RREB1: variants seen among roughly 807,000 people sequenced by gnomAD.
The protein encoded by RREB1 is ras responsive element binding protein 1, also known as ras-responsive element-binding protein 1.
A neutral mutation model predicts 117.8 loss-of-function variants in RREB1; 27 were observed. The observed-to-expected ratio is 0.23, with a 90% CI of 0.17 to 0.32. The LOEUF (loss-of-function observed/expected upper bound fraction) is 0.32, where lower values mean the gene tolerates loss of function less well. Ranked by LOEUF, RREB1 falls within the 10% of genes least tolerant of loss-of-function variation. The pLI is 1.00. For missense variants in RREB1, 2,577 were observed against 2,378.2 expected (o/e 1.08, Z -1.74); for synonymous variants, 1,298 against 1,026.7 (o/e 1.26, Z -5.05).
chr6:7,233,729 G>A (rs1050901408), intron 10 of RREB1, among the ~76,000 whole-genome samples: 2 of 152,150 alleles, frequency 1.3e-5, no homozygotes, highest in African/African-American at 2.4e-5. Context: ...GGGAATTGGT[G>A]TGAGCTGTGC....
chr6:7,219,066 G>A (rs1024092227), intron 8 of RREB1: 6 of 116,552 alleles, frequency 5.1e-5, no homozygotes, highest in Admixed American at 2.4e-4. Context: ...TGGCCAACAC[G>A]GCGAAACTCC....
intron 1 of RREB1, among the ~76,000 whole-genome samples, chr6:7,117,232 C>A (rs1226290831): frequency 1.3e-5 from 2 of 151,908 alleles, no homozygotes; most frequent in East Asian, 3.9e-4. Flanking sequence ...TCTGACACTT[C>A]AGTGTAAAAA....
chr6:7,119,118 GT>G (rs1761549008), intron 1 of RREB1, among the ~76,000 whole-genome samples: 2 of 152,066 alleles, frequency 1.3e-5, no homozygotes, highest in African/African-American at 4.8e-5. Context: ...GGCAGGCGTG[GT>G]GGTTCACGCC....
At chr6:7,187,701 T>A in intron 5 of RREB1, 178 bp downstream of exon 5, 1 of 310,240 alleles carries the variant, frequency 3.2e-6, no homozygotes, top group Admixed American at 4.9e-5. Context: ...ATTTTTGATC[T>A]AAATTATTCT....
chr6:7,227,514 C>G (rs926553953), intron 9 of RREB1, among the ~76,000 whole-genome samples: 1 of 151,170 alleles, frequency 6.6e-6, no homozygotes, highest in Admixed American at 6.6e-5. Context: ...GCACTCCAGC[C>G]TGGGCAACAG....
rs74685553 is a variant in RREB1, at chr6:7,236,842, C to G, written c.3809-3596C>G. 6.1e-3 allele frequency among the ~76,000 whole-genome samples: 814 copies of G among 132,606 alleles called. 6 individuals are homozygous for G. The highest frequency in any genetic ancestry group is 0.022 in the African/African-American group (755 of 34,646). The allele number at this position is 132,606 out of a possible 152,430, so 87.0% of individuals were successfully genotyped here. A position where few individuals can be genotyped will look rare whatever the true frequency, so the allele number is the denominator to read the frequency against. On this transcript the variant is annotated intron_variant, in intron 10 of 12. Transcript: ENST00000379938. ...TGTCCTTCTTCGTTTCTTGACTGTTCTGGGAGAGTAAACACTGGCTAATTT... is the reference window on the plus strand; with the variant it reads ...TGTCCTTCTTCGTTTCTTGACTGTTGTGGGAGAGTAAACACTGGCTAATTT...
rs758121441 is a variant in RREB1 at position 7,229,921 on chromosome 6, C to T, written c.1822C>T (p.Leu608=). 2 of 1,599,588 alleles carry T rather than the reference C, an allele frequency of 1.3e-6. No homozygotes were observed. Among genetic ancestry groups the T allele is most frequent in the South Asian group, 1.1e-5 (1 of 90,526 alleles). Residue 608 remains leucine (L), a synonymous_variant, in exon 10 of 13, where the codon CTG becomes TTG. Coordinates refer to ENST00000379938, the MANE Select transcript of RREB1 (RefSeq NM_001003699.4). The surrounding 1 kb of genome is among the most constrained non-coding windows in gnomAD (Gnocchi z 4.5). ...CAGCATCATCGAGGCCCTGCTGCCG[C>T]TGAGCATGGAGGCCAAGATCAAGCA... The part of the protein sequence containing the change: ...QDSIIEALLP[L]SMEAKIKQEI...
chr6:7,238,437 G>C (rs1484364508), intron 10 of RREB1, among the ~76,000 whole-genome samples: 1 of 152,006 alleles, frequency 6.6e-6, no homozygotes, highest in South Asian at 2.1e-4. Flanking sequence ...GGGTTTCACC[G>C]TATTGGCCAG....
intron 10 of RREB1, among the ~76,000 whole-genome samples, chr6:7,236,145 T>C (rs993096147): frequency 2.0e-5 from 3 of 152,146 alleles, no homozygotes; most frequent in African/African-American, 7.2e-5. Flanking sequence ...CGGGAGCATC[T>C]CGTGTGTTTT....
intron 1 of RREB1, among the ~76,000 whole-genome samples, chr6:7,131,147 C>T (rs1057234874): frequency 2.0e-5 from 3 of 151,256 alleles, no homozygotes; most frequent in Non-Finnish European, 2.9e-5. Context: ...ACTGTGGTCT[C>T]GATCTCCTGA....
rs1409671686 is a variant in RREB1, at chr6:7,247,158, A to G, written c.4708A>G (p.Ser1570Gly). Residue 1570 changes from serine (S) to glycine (G), a missense_variant, in exon 12 of 13, where the codon AGC becomes GGC. By Grantham distance (56) the Ser-to-Gly change is moderately conservative. Transcript: ENST00000379938. ...SKADKRKKVC[S>G]VCNKRFWSLQ... ...GGCAGACAAGAGGAAGAAGGTCTGC[A>G]GCGTGTGCAACAAGCGGTTCTGGTC... is the stretch of plus-strand genomic sequence containing the variant. 1 of 1,613,934 alleles carries G rather than the reference A, an allele frequency of 6.2e-7. No homozygotes were observed. Among genetic ancestry groups the G allele is most frequent in the East Asian group, 2.2e-5 (1 of 44,852 alleles).
At chr6:7,207,300 C>T (rs754001859) in intron 6 of RREB1, among the ~76,000 whole-genome samples, 1 of 152,204 alleles carries the variant, frequency 6.6e-6, no homozygotes, top group Non-Finnish European at 1.5e-5. Flanking sequence ...AGTGCTCAGC[C>T]ACTTTGCAGA....
chr6:7,210,247 A>C (rs1277061734), intron 6 of RREB1, among the ~76,000 whole-genome samples: 1 of 152,234 alleles, frequency 6.6e-6, no homozygotes, highest in Non-Finnish European at 1.5e-5. Flanking sequence ...AAATCCACAT[A>C]ATACTACGAA....
intron 1 of RREB1, among the ~76,000 whole-genome samples, chr6:7,119,447 G>A (rs1376201732): frequency 6.6e-6 from 1 of 152,198 alleles, no homozygotes; most frequent in South Asian, 2.1e-4. Flanking sequence ...TGTGGGGGAG[G>A]AGTGAAAGAT....
intron 6 of RREB1, among the ~76,000 whole-genome samples, chr6:7,205,206 G>T (rs566945617): frequency 6.6e-6 from 1 of 152,198 alleles, no homozygotes; most frequent in African/African-American, 2.4e-5. Context: ...AAGCCAGACT[G>T]CTGGGCCCCG....
At position 7,231,301 on chromosome 6, in the gene RREB1, A is replaced by G. The variant is rs1767951628; in HGVS notation, c.3202A>G (p.Ile1068Val). 2 of 1,603,612 alleles carry G rather than the reference A, an allele frequency of 1.2e-6. No individual in the cohort carries two copies. The highest frequency in any genetic ancestry group is 1.7e-6 in the Non-Finnish European group (2 of 1,174,420). ...VTEELPPLASIAQIISSVSSA... is the reference protein window; with the variant it reads ...VTEELPPLASVAQIISSVSSA... ...AGAAGAGCTGCCCCCGCTGGCCTCC[A>G]TTGCCCAGATCATCTCATCTGTATC... The change falls in exon 10 of 13, where the codon ATT becomes GTT. Residue 1068 changes from isoleucine (I) to valine (V), a missense_variant. By Grantham distance (29) the Ile-to-Val change is conservative (BLOSUM62 3). Coordinates refer to ENST00000379938, the MANE Select transcript of RREB1 (RefSeq NM_001003699.4).
chr6:7,245,970 TA>T (rs1768988348), intron 11 of RREB1, among the ~76,000 whole-genome samples: 1 of 152,162 alleles, frequency 6.6e-6, no homozygotes, highest in Non-Finnish European at 1.5e-5. Flanking sequence ...TTTGGAGGAT[TA>T]GGGGTAGGGG....
At chr6:7,113,641 G>T (rs1761256094) in intron 1 of RREB1, among the ~76,000 whole-genome samples, 1 of 152,174 alleles carries the variant, frequency 6.6e-6, no homozygotes, top group Non-Finnish European at 1.5e-5. Context: ...TAGCCCTGTA[G>T]AACAGCTGCT....
chr6:7,187,364 A>G (rs1018555456), intron 4 of RREB1, 70 bp from the exon 5 acceptor site: 4 of 958,156 alleles, frequency 4.2e-6, no homozygotes, highest in African/African-American at 1.6e-5. Context: ...TATTACACTT[A>G]TTACAGAAAG....
Sources: allele counts gnomAD v4.1 joint callset (sites outside exome capture counted in the v4.1 genomes callset), GRCh38; gene constraint gnomAD v4.1.1; non-coding constraint Gnocchi (gnomAD v3.1); transcripts MANE v1.5; gene names NCBI Gene and HGNC (gene_info 2026-07-23, HGNC 2026-07-21).